METTL8: variants seen among roughly 807,000 people sequenced by gnomAD.
METTL8 encodes the protein tRNA N(3)-cytidine methyltransferase METTL8, mitochondrial.
A neutral mutation model predicts 48.7 loss-of-function variants in METTL8; 32 were observed. That is an observed-to-expected ratio of 0.66 (90% CI 0.50 to 0.88). The LOEUF is 0.88. METTL8 is among the 40% of genes least tolerant of loss of function. The probability of loss-of-function intolerance (pLI) is 0.00; values close to 1 mark genes in which losing one functional copy is unlikely to be tolerated. For missense variants in METTL8, 464 were observed against 474.4 expected, an observed-to-expected ratio of 0.98 and a Z score of 0.20; for synonymous variants, 136 against 157.1, an observed-to-expected ratio of 0.87 and a Z score of 1.01.
upstream of METTL8, chr2:171,434,064 G>C (rs1693530267): frequency 1.0e-5 from 3 of 292,642 alleles, no homozygotes; most frequent in East Asian, 2.4e-4. Context: ...CGGCAGCACC[G>C]CGCCCCCAGG....
chr2:171,411,758 A>T (rs190314096), intron 1 of METTL8, among the ~76,000 whole-genome samples: 1 of 152,220 alleles, frequency 6.6e-6, no homozygotes, highest in African/African-American at 2.4e-5. Context: ...TGGGGTAAAA[A>T]AGACTCTTAA....
At chr2:171,425,469 C>T (rs1043597987) in intron 1 of METTL8, among the ~76,000 whole-genome samples, 1 of 152,158 alleles carries the variant, frequency 6.6e-6, no homozygotes, top group Non-Finnish European at 1.5e-5. Flanking sequence ...GAGAGACATT[C>T]TCCTATTTGC....
Position 171,339,570 on chromosome 2 carries a change from AAAAG to A in METTL8, c.236-20_236-17del, listed in dbSNP as rs754956661. 2 of 1,364,302 alleles carry A rather than the reference AAAAG, an allele frequency of 1.5e-6. No homozygotes were observed. The highest frequency in any genetic ancestry group is 2.0e-6 in the Non-Finnish European group (2 of 994,848). 84.5% of individuals were successfully genotyped at this position (1,364,302 alleles called of 1,614,324 possible). ...TCATACTTAACTAAAATAAAGAGGA[AAAAG>A]AAAGATTTATTTTACTACGAATTAT... On this transcript the variant is annotated splice_polypyrimidine_tract_variant and intron_variant, in intron 3 of 9. Transcript: ENST00000375258.
intron 2 of METTL8, among the ~76,000 whole-genome samples, chr2:171,361,257 T>TG: frequency 6.6e-6 from 1 of 151,890 alleles, no homozygotes; most frequent in Non-Finnish European, 1.5e-5. Flanking sequence ...AGTTTGCTTT[T>TG]TTTTTTTTGC....
chr2:171,366,936 T>C lies in METTL8; in HGVS notation c.144-6423A>G. Among the ~76,000 whole-genome samples the C allele has an allele frequency of 1.4e-5, 2 of 145,160 alleles. 1 individual carries two copies. Among genetic ancestry groups the C allele is most frequent in the East Asian group, 4.0e-4 (2 of 5,024 alleles). On this transcript the variant is annotated intron_variant, in intron 2 of 9. Transcript: ENST00000375258. The stretch of plus-strand genomic sequence containing the variant: ...GGGAGGGTTAACAGCTGACAGACAC[T>C]GGAGAGAATGGGTCAGTAAACTTAA...
Position 171,322,668 on chromosome 2 carries a change from C to G in METTL8, c.*1504G>C, listed in dbSNP as rs557408822. 6.7e-6 allele frequency: 1 copy of G among 148,922 alleles called. No homozygotes were observed. Among genetic ancestry groups the G allele is most frequent in the African/African-American group, 2.5e-5 (1 of 40,162 alleles). The allele number at this position is 148,922 out of a possible 1,614,324, so 9.2% of individuals were successfully genotyped here. The stretch of plus-strand genomic sequence containing the variant: ...CTGAAGCAAGAGAATGGCGTGAACC[C>G]GGGAGGTGGAGCTGGCAGTGAGCTG... On this transcript the variant is annotated 3_prime_UTR_variant, in exon 10 of 10. Coordinates refer to ENST00000375258, the MANE Select transcript of METTL8 (RefSeq NM_001321154.2).
intron 1 of METTL8, among the ~76,000 whole-genome samples, chr2:171,409,352 A>C (rs1410336098): frequency 6.6e-6 from 1 of 152,248 alleles, no homozygotes; most frequent in East Asian, 1.9e-4. Context: ...AAACATTTCT[A>C]AGGGGCACCT....
upstream of METTL8, chr2:171,434,451 G>A: frequency 6.7e-7 from 1 of 1,490,484 alleles, no homozygotes; most frequent in Non-Finnish European, 9.0e-7. Context: ...CCCCGTGTCA[G>A]CTTTCCCTGG....
chr2:171,365,587 G>A (rs542918249), intron 2 of METTL8, among the ~76,000 whole-genome samples: 3 of 152,186 alleles, frequency 2.0e-5, no homozygotes, highest in South Asian at 2.1e-4. Context: ...CTGGGTACCC[G>A]CCAGGTGGTA....
At chr2:171,434,142 C>T (rs1020307152), upstream of METTL8, 3 of 347,050 alleles carry the variant, frequency 8.6e-6, no homozygotes, top group Non-Finnish European at 1.7e-5. Flanking sequence ...CTCCGCGGGC[C>T]GGAGGAGGCG....
At chr2:171,434,531 C>T, upstream of METTL8, 4 of 1,522,744 alleles carry the variant, frequency 2.6e-6, no homozygotes, top group Non-Finnish European at 3.5e-6. Flanking sequence ...GAGTGTGGGG[C>T]GCGCCACTCG....
At chr2:171,409,289 A>G (rs1277002230) in intron 1 of METTL8, among the ~76,000 whole-genome samples, 1 of 152,204 alleles carries the variant, frequency 6.6e-6, no homozygotes, top group Non-Finnish European at 1.5e-5. Flanking sequence ...AAAATTATAA[A>G]CTACATAGTG....
At chr2:171,367,363 A>C (rs1446532335) in intron 2 of METTL8, among the ~76,000 whole-genome samples, 1 of 151,868 alleles carries the variant, frequency 6.6e-6, no homozygotes, top group East Asian at 1.9e-4. Context: ...AAGAAGATAA[A>C]GCAAGGAGAT....
chr2:171,366,015 T>C (rs1368842800), intron 2 of METTL8, among the ~76,000 whole-genome samples: 1 of 152,132 alleles, frequency 6.6e-6, no homozygotes, highest in Non-Finnish European at 1.5e-5. Flanking sequence ...TGAGGGTTTG[T>C]GCAACAGGAT....
intron 1 of METTL8, among the ~76,000 whole-genome samples, chr2:171,397,553 CAAAAAAAAAAA>C (rs34936693): frequency 5.8e-5 from 3 of 52,134 alleles, no homozygotes; most frequent in African/African-American, 1.9e-4. Flanking sequence ...AACCCTGCCT[CAAAAAAAAAAA>C]AAAAAAAAAA....
intron 2 of METTL8, among the ~76,000 whole-genome samples, chr2:171,361,634 G>A (rs1008138190): frequency 1.3e-5 from 2 of 152,046 alleles, no homozygotes; most frequent in Admixed American, 1.3e-4. Flanking sequence ...TTATAATCAT[G>A]TCCACTTTGC....
chr2:171,396,610 TAA>T (rs996353225), intron 1 of METTL8, among the ~76,000 whole-genome samples: 7 of 152,132 alleles, frequency 4.6e-5, no homozygotes, highest in African/African-American at 1.4e-4. Context: ...AAAATAATAA[TAA>T]GATAGCTACA....
chr2:171,326,408 A>G (rs1343845222), intron 7 of METTL8: 2 of 373,744 alleles, frequency 5.4e-6, no homozygotes, highest in East Asian at 9.3e-5. Context: ...ACAGAGCTTG[A>G]CGTATGATGT....
At chr2:171,396,990 CTTT>C (rs34793762) in intron 1 of METTL8, among the ~76,000 whole-genome samples, 1 of 138,472 alleles carries the variant, frequency 7.2e-6, no homozygotes. Context: ...CACCTGGCTA[CTTT>C]TTTTTTTTTT....
Sources: allele counts gnomAD v4.1 joint callset (sites outside exome capture counted in the v4.1 genomes callset), GRCh38; gene constraint gnomAD v4.1.1; transcripts MANE v1.5; gene names NCBI Gene and HGNC (gene_info 2026-07-23, HGNC 2026-07-21).